The following SHISA9 variants were observed in gnomAD, a reference collection of about 807,000 sequenced individuals.
SHISA9 encodes the protein protein shisa-9.
SHISA9 carries 13 observed loss-of-function variants against 38.0 expected under a neutral mutation model. The ratio of observed to expected loss-of-function variants is 0.34; its 90% confidence interval spans 0.22 to 0.54. The LOEUF (loss-of-function observed/expected upper bound fraction) is 0.54, where lower values mean the gene tolerates loss of function less well. SHISA9 is among the 20% of genes least tolerant of loss of function. The pLI is 0.91. For synonymous variants in SHISA9, 275 were observed against 242.0 expected (o/e 1.14, Z -1.27); for missense variants, 538 against 575.8 (o/e 0.93, Z 0.67).
chr16:13,546,634 A>G, the SHISA9 span, among the ~76,000 whole-genome samples: 9 of 152,212 alleles, frequency 5.9e-5, no homozygotes, highest in Non-Finnish European at 1.5e-5. Flanking sequence ...GAAGATTAGT[A>G]AAAGTCCTTT....
At chr16:12,970,743 C>G (rs1355755552) in intron 2 of SHISA9, among the ~76,000 whole-genome samples, 1 of 151,174 alleles carries the variant, frequency 6.6e-6, no homozygotes, top group East Asian at 2.0e-4. Context: ...AGGCTGGTCT[C>G]AAACTCCTGA....
chr16:12,992,507 G>A (rs1041277736), intron 2 of SHISA9, among the ~76,000 whole-genome samples: 1 of 152,044 alleles, frequency 6.6e-6, no homozygotes, highest in Non-Finnish European at 1.5e-5. Flanking sequence ...ACTCCAGCCT[G>A]GGCGACAGAG....
At chr16:13,516,615 C>T in the SHISA9 span, among the ~76,000 whole-genome samples, 8 of 152,054 alleles carry the variant, frequency 5.3e-5, no homozygotes, top group Non-Finnish European at 8.8e-5. Flanking sequence ...GCCTGGCCAA[C>T]ATGGTGAAAC....
chr16:13,157,367 A>G (rs753082809), intron 2 of SHISA9, among the ~76,000 whole-genome samples: 1 of 152,356 alleles, frequency 6.6e-6, no homozygotes, highest in Admixed American at 6.5e-5. Context: ...CTTGATTAGC[A>G]GAGAATGGGA....
chr16:13,099,303 T>C (rs767362817), intron 2 of SHISA9, among the ~76,000 whole-genome samples: 2 of 149,638 alleles, frequency 1.3e-5, no homozygotes, highest in Admixed American at 1.3e-4. Flanking sequence ...CACACACACA[T>C]CTCTGATGGG....
the SHISA9 span, among the ~76,000 whole-genome samples, chr16:13,374,476 C>T: frequency 1.3e-5 from 2 of 152,156 alleles, no homozygotes; most frequent in Admixed American, 6.5e-5. Context: ...TCATCCATGT[C>T]CCTACAAAGG....
chr16:13,261,064 A>G, the SHISA9 span, among the ~76,000 whole-genome samples: 7 of 152,176 alleles, frequency 4.6e-5, no homozygotes, highest in Admixed American at 6.5e-5. Context: ...ACTCGCCCCC[A>G]TGATTCAATT....
intron 2 of SHISA9, among the ~76,000 whole-genome samples, chr16:13,146,686 CA>C (rs2142000683): frequency 6.6e-6 from 1 of 152,296 alleles, no homozygotes; most frequent in South Asian, 2.1e-4. Context: ...AACAGAAGTA[CA>C]AAAAGTTTAA....
chr16:13,207,155 T>C (rs930140573), intron 3 of SHISA9, among the ~76,000 whole-genome samples: 1 of 152,186 alleles, frequency 6.6e-6, no homozygotes, highest in Non-Finnish European at 1.5e-5. Context: ...TCCCAGCTAC[T>C]TGGGAGGCTG....
intron 2 of SHISA9, among the ~76,000 whole-genome samples, chr16:12,970,351 G>GAACA (rs2072042220): frequency 2.2e-5 from 1 of 44,896 alleles, no homozygotes; most frequent in Non-Finnish European, 3.9e-5. Flanking sequence ...ATACATATAT[G>GAACA]TGTATATATA....
At chr16:13,227,392 G>C (rs772908979) in intron 4 of SHISA9, among the ~76,000 whole-genome samples, 2 of 152,190 alleles carry the variant, frequency 1.3e-5, no homozygotes, top group Non-Finnish European at 2.9e-5. Flanking sequence ...TTGTTGGTTT[G>C]ACAGTTGTGC....
chr16:12,953,986 A>T (rs1177880945), intron 2 of SHISA9, among the ~76,000 whole-genome samples: 2 of 152,342 alleles, frequency 1.3e-5, no homozygotes, highest in South Asian at 4.1e-4. Flanking sequence ...ACCTCCAACC[A>T]GGTCCCTGCC....
At chr16:13,203,604 G>C in intron 3 of SHISA9, 55 bp downstream of exon 3, 1 of 1,392,136 alleles carries the variant, frequency 7.2e-7, no homozygotes, top group South Asian at 1.8e-5. Context: ...CTCCTTTGCT[G>C]CTTCTTGTAG....
At chr16:12,998,487 T>C in intron 2 of SHISA9, among the ~76,000 whole-genome samples, 1 of 152,214 alleles carries the variant, frequency 6.6e-6, no homozygotes, top group Non-Finnish European at 1.5e-5. Flanking sequence ...CTAATGTCTT[T>C]GTGATGTTTT....
At chr16:13,141,691 T>C (rs917627351) in intron 2 of SHISA9, among the ~76,000 whole-genome samples, 2 of 151,966 alleles carry the variant, frequency 1.3e-5, no homozygotes, top group Non-Finnish European at 2.9e-5. Flanking sequence ...CAAATATATA[T>C]ATATAATAAA....
chr16:13,192,107 G>A (rs758863466), intron 2 of SHISA9, among the ~76,000 whole-genome samples: 13 of 152,152 alleles, frequency 8.5e-5, no homozygotes, highest in Non-Finnish European at 1.6e-4. Context: ...ATTTTTCTAA[G>A]TGAACTAACT....
the SHISA9 span, among the ~76,000 whole-genome samples, chr16:13,335,621 C>T: frequency 1.3e-5 from 2 of 152,178 alleles, no homozygotes; most frequent in East Asian, 1.9e-4. Context: ...TTTCGATGAA[C>T]CAGTCACACA....
chr16:13,200,062 C>T (rs1235903476), intron 2 of SHISA9, among the ~76,000 whole-genome samples: 1 of 152,078 alleles, frequency 6.6e-6, no homozygotes, highest in Non-Finnish European at 1.5e-5. Flanking sequence ...GTCCTTTGCC[C>T]TTGGGGTGAC....
At chr16:13,356,262 G>T in the SHISA9 span, among the ~76,000 whole-genome samples, 13,274 of 152,264 alleles carry the variant, frequency 0.087, 694 homozygotes, top group South Asian at 0.21. Flanking sequence ...GGAGCAGATT[G>T]GGTAATAAAA....
Sources: gnomAD v4.1 joint callset for allele counts (sites outside exome capture counted in the v4.1 genomes callset) on GRCh38, gnomAD v4.1.1 for gene constraint, MANE v1.5 for transcripts, NCBI Gene and HGNC (gene_info 2026-07-23, HGNC 2026-07-21) for gene names.